Variants in GXYLT2 observed in about 807,000 individuals in gnomAD.
The protein encoded by GXYLT2 is glycosyltransferase 8 domain containing 4.
In GXYLT2, 53 loss-of-function variants were observed where a neutral mutation model predicts 45.8. The observed-to-expected ratio is 1.16, with a 90% CI of 0.93 to 1.46. The LOEUF (loss-of-function observed/expected upper bound fraction) is 1.46, where lower values mean the gene tolerates loss of function less well. GXYLT2 is among the 40% of genes most tolerant of loss of function. The pLI is 0.00. For synonymous variants in GXYLT2, 219 were observed against 214.2 expected (o/e 1.02, Z -0.19); for missense variants, 551 against 544.4 (o/e 1.01, Z -0.12).
intron 3 of GXYLT2, chr3:72,926,947 G>A (rs1709930046): frequency 6.6e-6 from 1 of 152,176 alleles, no homozygotes; most frequent in Non-Finnish European, 1.5e-5. Context: ...CCATATTTAA[G>A]GAAGGAGTTA....
chr3:72,965,146 G>A (rs144567873), intron 5 of GXYLT2, among the ~76,000 whole-genome samples: 1,550 of 152,288 alleles, frequency 0.01, 19 homozygotes, highest in Middle Eastern at 0.014. Context: ...TGGTGGAATG[G>A]AGTTCTCCTG....
intron 2 of GXYLT2, among the ~76,000 whole-genome samples, chr3:72,915,319 C>G (rs1335686107): frequency 7.5e-6 from 1 of 133,654 alleles, no homozygotes; most frequent in Non-Finnish European, 1.5e-5. Context: ...GGGGACCATG[C>G]CTCTTCGTTA....
chr3:72,943,106 A>G (rs183189420), intron 3 of GXYLT2, among the ~76,000 whole-genome samples: 3 of 152,368 alleles, frequency 2.0e-5, no homozygotes. Flanking sequence ...AGCACAGTCA[A>G]GCAGCTTTGA....
chr3:72,915,214 T>G (rs891756327), intron 2 of GXYLT2, among the ~76,000 whole-genome samples: 9 of 151,378 alleles, frequency 5.9e-5, no homozygotes, highest in Admixed American at 5.3e-4. Context: ...ACAAAGTAAC[T>G]AAAACATGGT....
rs1469088138 is a variant in GXYLT2 at position 72,888,515 on chromosome 3, C to T, written c.275+7C>T. 7.3e-6 allele frequency: 9 copies of T among 1,226,916 alleles called. No homozygotes were observed. Among genetic ancestry groups the T allele is most frequent in the South Asian group, 2.8e-5 (1 of 35,494 alleles). 76.0% of individuals were successfully genotyped at this position (1,226,916 alleles called of 1,614,324 possible). A position where few individuals can be genotyped will look rare whatever the true frequency, so the allele number is the denominator to read the frequency against. Reference sequence around the variant, plus strand: ...GACTGGAGAAGTTGGCGAGGTGAGTCGTGGCAACCCCAGAATCCCATCTGC... The same window carrying T: ...GACTGGAGAAGTTGGCGAGGTGAGTTGTGGCAACCCCAGAATCCCATCTGC... On this transcript the variant is annotated splice_region_variant and intron_variant, in intron 1 of 6. Coordinates refer to ENST00000389617, the MANE Select transcript of GXYLT2 (RefSeq NM_001080393.2).
At chr3:72,897,770 A>T (rs1004024960) in intron 1 of GXYLT2, among the ~76,000 whole-genome samples, 1 of 152,226 alleles carries the variant, frequency 6.6e-6, no homozygotes, top group Non-Finnish European at 1.5e-5. Flanking sequence ...TGGCAGGCCT[A>T]GAATTTGAAG....
At chr3:72,973,998 T>C (rs1350625929) in intron 6 of GXYLT2, among the ~76,000 whole-genome samples, 1 of 152,158 alleles carries the variant, frequency 6.6e-6, no homozygotes, top group Non-Finnish European at 1.5e-5. Context: ...GGATTAACAT[T>C]TGTTCTAGGA....
chr3:72,971,287 C>T (rs946693101), intron 6 of GXYLT2, among the ~76,000 whole-genome samples: 20 of 152,258 alleles, frequency 1.3e-4, no homozygotes, highest in African/African-American at 4.6e-4. Context: ...CTCAGTTGGG[C>T]CTGAAAATAT....
chr3:72,932,247 G>A (rs1710052341), intron 3 of GXYLT2, among the ~76,000 whole-genome samples: 1 of 151,882 alleles, frequency 6.6e-6, no homozygotes, highest in African/African-American at 2.4e-5. Context: ...TAGTAGAGAT[G>A]GGGTTTCACC....
At chr3:72,958,932 ATTTTTTTT>A (rs1041235960) in intron 5 of GXYLT2, among the ~76,000 whole-genome samples, 1 of 137,632 alleles carries the variant, frequency 7.3e-6, no homozygotes, top group Non-Finnish European at 1.5e-5. Flanking sequence ...GTGCCCAGGT[ATTTTTTTT>A]TCTTTTTTTT....
chr3:72,892,506 C>T (rs1709202167), intron 1 of GXYLT2, among the ~76,000 whole-genome samples: 2 of 152,164 alleles, frequency 1.3e-5, no homozygotes, highest in African/African-American at 4.8e-5. Context: ...ACTCCTGGTA[C>T]AATGGTGAAT....
intron 1 of GXYLT2, among the ~76,000 whole-genome samples, chr3:72,890,208 C>T (rs1368166427): frequency 2.3e-5 from 3 of 130,854 alleles, no homozygotes; most frequent in South Asian, 2.2e-4. Flanking sequence ...GCCACCGCGC[C>T]GGGCCCAACC....
chr3:72,913,846 G>A lies in GXYLT2; in HGVS notation c.468+5287G>A, dbSNP rs565531055. 1.8e-4 allele frequency among the ~76,000 whole-genome samples: 27 copies of A among 152,278 alleles called. 2 individuals carry two copies. In the South Asian group the frequency reaches 4.6e-3, roughly 26 times the overall value. On this transcript the variant is annotated intron_variant, in intron 2 of 6. Transcript: ENST00000389617. ...CATAGAATTTCCTCAGCCTCAGTTT[G>A]TCATCTGTGTCGTGGGGCAAATGAT...
intron 3 of GXYLT2, among the ~76,000 whole-genome samples, chr3:72,932,260 G>A (rs143366891): frequency 6.8e-4 from 104 of 152,148 alleles, no homozygotes; most frequent in African/African-American, 2.4e-3. Flanking sequence ...GTTTCACCAT[G>A]TTGGCCAGGC....
chr3:72,908,400 G>A lies in GXYLT2; in HGVS notation c.309G>A (p.Val103=), dbSNP rs368614302. 40 of 1,613,190 alleles carry A rather than the reference G, an allele frequency of 2.5e-5. No homozygotes were observed. The highest frequency in any genetic ancestry group is 3.1e-5 in the Non-Finnish European group (37 of 1,179,716). Residue 103 remains valine (V), a synonymous_variant, in exon 2 of 7, where the codon GTG becomes GTA. Transcript: ENST00000389617. ...GAGAACCCAGGAGTTTCCAAGCTGTGCTGCCACCCGAGCTCTGGATCCACC... is the reference window on the plus strand; with the variant it reads ...GAGAACCCAGGAGTTTCCAAGCTGTACTGCCACCCGAGCTCTGGATCCACC... ...RPGEPRSFQA[V]LPPELWIHLA...
intron 1 of GXYLT2, among the ~76,000 whole-genome samples, chr3:72,895,595 GA>G (rs1304657963): frequency 1.3e-5 from 2 of 151,372 alleles, no homozygotes; most frequent in African/African-American, 4.9e-5. Flanking sequence ...TCACTGTAAA[GA>G]AAAAAAAGAC....
At chr3:72,930,986 C>G (rs1559738842) in intron 3 of GXYLT2, among the ~76,000 whole-genome samples, 1 of 152,088 alleles carries the variant, frequency 6.6e-6, no homozygotes, top group African/African-American at 2.4e-5. Context: ...CAACCGACTT[C>G]TTTAGGACAC....
chr3:72,942,187 T>C (rs1338265041), intron 3 of GXYLT2, among the ~76,000 whole-genome samples: 1 of 151,968 alleles, frequency 6.6e-6, no homozygotes, highest in African/African-American at 2.4e-5. Context: ...AGCAACAAAA[T>C]AAATAATGAT....
Position 72,888,081 on chromosome 3 carries a change from C to T in GXYLT2, c.-153C>T, listed in dbSNP as rs972747641. ...TCTCCTCCTCCTTCGCCGTCGCCGC[C>T]GCCGCCGGCCGCCCGCCGGCCGCCA... On this transcript the variant is annotated 5_prime_UTR_variant, in exon 1 of 7. Transcript: ENST00000389617. 81 of 301,272 alleles carry T rather than the reference C, an allele frequency of 2.7e-4. No homozygotes were observed. Among genetic ancestry groups the T allele is most frequent in the African/African-American group, 1.8e-3 (79 of 43,484 alleles). The allele number at this position is 301,272 out of a possible 1,614,324, so 18.7% of individuals were successfully genotyped here. A position where few individuals can be genotyped will look rare whatever the true frequency, so the allele number is the denominator to read the frequency against.
Sources: allele counts gnomAD v4.1 joint callset (sites outside exome capture counted in the v4.1 genomes callset), GRCh38; gene constraint gnomAD v4.1.1; transcripts MANE v1.5; gene names NCBI Gene and HGNC (gene_info 2026-07-23, HGNC 2026-07-21).